ARHGAP24: variants seen among roughly 807,000 people sequenced by gnomAD.
ARHGAP24 encodes rho GTPase-activating protein 24.
Under a neutral mutation model 76.4 loss-of-function variants are expected in ARHGAP24, and 50 were observed. The observed-to-expected ratio is 0.65, with a 90% CI of 0.52 to 0.83. ARHGAP24 has a LOEUF of 0.83. Among genes scored for constraint, ARHGAP24 ranks in the 40% least tolerant of loss-of-function variants. ARHGAP24 has a pLI of 0.00. For synonymous variants in ARHGAP24, 345 were observed against 323.3 expected, an observed-to-expected ratio of 1.07 and a Z score of -0.72; for missense variants, 930 against 914.2, an observed-to-expected ratio of 1.02 and a Z score of -0.22.
chr4:85,814,327 G>C (rs922334424), intron 3 of ARHGAP24, among the ~76,000 whole-genome samples: 1 of 152,054 alleles, frequency 6.6e-6, no homozygotes, highest in African/African-American at 2.4e-5. Context: ...TAACTCAAAA[G>C]TCCACAGTCC....
intron 1 of ARHGAP24, among the ~76,000 whole-genome samples, chr4:85,487,855 T>TA (rs1723182931): frequency 8.1e-6 from 1 of 123,640 alleles, no homozygotes; most frequent in South Asian, 2.2e-4. Context: ...TATATATTTA[T>TA]TATATATATT....
intron 2 of ARHGAP24, among the ~76,000 whole-genome samples, chr4:85,706,537 C>G (rs983799302): frequency 3.3e-5 from 5 of 151,702 alleles, no homozygotes; most frequent in Non-Finnish European, 7.4e-5. Flanking sequence ...GAAACACGTG[C>G]TTTTCAAAAA....
intron 3 of ARHGAP24, among the ~76,000 whole-genome samples, chr4:85,888,402 G>GA (rs377665282): frequency 0.47 from 58,225 of 125,032 alleles, 13,862 homozygotes; most frequent in East Asian, 0.77. Flanking sequence ...TTCCTCTCAA[G>GA]AAAAAAAAAA....
At chr4:85,927,191 C>T (rs923760294) in intron 4 of ARHGAP24, among the ~76,000 whole-genome samples, 1 of 152,032 alleles carries the variant, frequency 6.6e-6, no homozygotes, top group Non-Finnish European at 1.5e-5. Flanking sequence ...TATAACACCA[C>T]GAATGAAGCT....
intron 4 of ARHGAP24, among the ~76,000 whole-genome samples, chr4:85,926,918 C>A (rs1670468927): frequency 6.6e-6 from 1 of 152,082 alleles, no homozygotes; most frequent in Non-Finnish European, 1.5e-5. Context: ...TAGTAAAGAA[C>A]CCACAATTAT....
chr4:85,792,290 C>T (rs961071977), intron 3 of ARHGAP24, among the ~76,000 whole-genome samples: 5 of 152,128 alleles, frequency 3.3e-5, no homozygotes, highest in East Asian at 1.9e-4. Context: ...TAAGAGAATT[C>T]AGAATATACT....
At chr4:85,591,902 A>T (rs1279804502) in intron 2 of ARHGAP24, among the ~76,000 whole-genome samples, 1 of 152,172 alleles carries the variant, frequency 6.6e-6, no homozygotes, top group African/African-American at 2.4e-5. Flanking sequence ...GTATTACCAT[A>T]CCACAGCCAA....
chr4:85,666,522 A>T (rs1462377699), intron 2 of ARHGAP24, among the ~76,000 whole-genome samples: 1 of 152,162 alleles, frequency 6.6e-6, no homozygotes, highest in Non-Finnish European at 1.5e-5. Flanking sequence ...GTCCAGCTTT[A>T]TTCCATTGCT....
intron 3 of ARHGAP24, among the ~76,000 whole-genome samples, chr4:85,898,033 G>GTA (rs61576453): frequency 0.03 from 4,001 of 134,512 alleles, 74 homozygotes; most frequent in Admixed American, 0.073. Flanking sequence ...ACATATATGT[G>GTA]TATATATATA....
chr4:85,628,835 A>C (rs1158466493), intron 2 of ARHGAP24, among the ~76,000 whole-genome samples: 2 of 152,176 alleles, frequency 1.3e-5, no homozygotes, highest in East Asian at 3.8e-4. Flanking sequence ...CATTTGCATG[A>C]AATATCTTTT....
intron 5 of ARHGAP24, among the ~76,000 whole-genome samples, chr4:85,955,952 T>G (rs1166855199): frequency 6.6e-6 from 1 of 152,222 alleles, no homozygotes; most frequent in Non-Finnish European, 1.5e-5. Context: ...TTACACTTTA[T>G]TCCATGCAAA....
At chr4:85,840,931 C>A (rs879349521) in intron 3 of ARHGAP24, among the ~76,000 whole-genome samples, 1 of 152,114 alleles carries the variant, frequency 6.6e-6, no homozygotes, top group Non-Finnish European at 1.5e-5. Flanking sequence ...TGAATTTAGT[C>A]TCTTCTTTTT....
At chr4:85,886,463 G>A (rs1352839664) in intron 3 of ARHGAP24, among the ~76,000 whole-genome samples, 3 of 152,094 alleles carry the variant, frequency 2.0e-5, no homozygotes, top group African/African-American at 7.2e-5. Flanking sequence ...AGGTGGTCCT[G>A]AAAGTACTAA....
chr4:85,672,078 CT>C (rs1348195744), intron 2 of ARHGAP24, among the ~76,000 whole-genome samples: 1 of 152,116 alleles, frequency 6.6e-6, no homozygotes, highest in Non-Finnish European at 1.5e-5. Context: ...GCTCAGAGAA[CT>C]TTTTGCACAC....
At chr4:85,768,323 A>G (rs1200062783) in intron 3 of ARHGAP24, among the ~76,000 whole-genome samples, 1 of 152,232 alleles carries the variant, frequency 6.6e-6, no homozygotes, top group African/African-American at 2.4e-5. Flanking sequence ...ACTTAAGGAA[A>G]CCATAAAATC....
chr4:85,825,924 A>T (rs1409658509), intron 3 of ARHGAP24, among the ~76,000 whole-genome samples: 1 of 152,210 alleles, frequency 6.6e-6, no homozygotes, highest in African/African-American at 2.4e-5. Context: ...GACCATGCAG[A>T]TCTTGATTGT....
At chr4:85,574,579 G>A (rs1468448438) in intron 2 of ARHGAP24, among the ~76,000 whole-genome samples, 2 of 152,214 alleles carry the variant, frequency 1.3e-5, no homozygotes, top group Admixed American at 6.5e-5. Context: ...AGAGAGAAAC[G>A]GGGGGCCCCA....
At chr4:85,571,337 T>C (rs1560537207) in intron 2 of ARHGAP24, among the ~76,000 whole-genome samples, 1 of 152,242 alleles carries the variant, frequency 6.6e-6, no homozygotes, top group African/African-American at 2.4e-5. Flanking sequence ...AAGACTGCAA[T>C]GAGAGAGAAG....
chr4:85,898,045 A>G (rs1012170956), intron 3 of ARHGAP24, among the ~76,000 whole-genome samples: 1 of 147,706 alleles, frequency 6.8e-6, no homozygotes, highest in Non-Finnish European at 1.5e-5. Flanking sequence ...ATATATATAT[A>G]TATATATATA....
Sources: gnomAD v4.1 joint callset for allele counts (sites outside exome capture counted in the v4.1 genomes callset) on GRCh38, gnomAD v4.1.1 for gene constraint, MANE v1.5 for transcripts, NCBI Gene and HGNC (gene_info 2026-07-23, HGNC 2026-07-21) for gene names.